The following TENM1 variants were observed in gnomAD, a reference collection of about 807,000 sequenced individuals.
The protein encoded by TENM1 is teneurin transmembrane protein 1.
A neutral mutation model predicts 174.8 loss-of-function variants in TENM1; 35 were observed. The observed-to-expected ratio is 0.20, with a 90% CI of 0.15 to 0.27. TENM1 has a LOEUF of 0.27. Ranked by LOEUF, TENM1 falls within the 10% of genes least tolerant of loss-of-function variation. The probability of loss-of-function intolerance (pLI) is 1.00; values close to 1 mark genes in which losing one functional copy is unlikely to be tolerated. For missense variants in TENM1, 1,633 were observed against 2,130.1 expected, an observed-to-expected ratio of 0.77 and a Z score of 4.59; for synonymous variants, 781 against 798.7, an observed-to-expected ratio of 0.98 and a Z score of 0.37.
intron 3 of TENM1, among the ~76,000 whole-genome samples, chrX:124,794,526 C>T (rs1334114578): frequency 9.0e-6 from 1 of 111,039 alleles, no homozygotes; most frequent in Non-Finnish European, 1.9e-5. Flanking sequence ...TATCTTCTCT[C>T]TATCCACCTC....
chrX:124,876,133 C>T (rs1021900521), intron 3 of TENM1, among the ~76,000 whole-genome samples: 1 of 110,540 alleles, frequency 9.0e-6, no homozygotes, highest in African/African-American at 3.3e-5. Flanking sequence ...GTTTTCTCAT[C>T]GTAAATGGGA....
At chrX:125,077,189 A>G in the TENM1 span, among the ~76,000 whole-genome samples, 1 of 111,538 alleles carries the variant, frequency 9.0e-6, no homozygotes, top group South Asian at 3.7e-4. Context: ...CAGACAAATT[A>G]TTTTTTAAAA....
At chrX:124,712,054 G>A (rs926704965) in intron 4 of TENM1, among the ~76,000 whole-genome samples, 3 of 111,878 alleles carry the variant, frequency 2.7e-5, no homozygotes, top group Non-Finnish European at 3.8e-5. Context: ...ATATTCTTTT[G>A]TATGTATGTA....
At chrX:124,736,992 G>A (rs770862179) in exon 4 of TENM1, 6 of 1,211,203 alleles carry the variant, frequency 5.0e-6, no homozygotes, top group Non-Finnish European at 6.7e-6. Context: ...TCAGGACCCA[G>A]CTGTTATGCA....
rs56962688 is a variant in TENM1, at chrX:124,676,257, AATATATATATATATATAT to A, written c.1016-4440_1016-4423del. Among the ~76,000 whole-genome samples the A allele has an allele frequency of 2.9e-3, 66 of 22,955 alleles. 1 individual carries two copies. Among genetic ancestry groups the A allele is most frequent in the South Asian group, 6.5e-3 (2 of 307 alleles). 19.9% of individuals were successfully genotyped at this position (22,955 alleles called of 115,157 possible). A position where few individuals can be genotyped will look rare whatever the true frequency, so the allele number is the denominator to read the frequency against. On this transcript the variant is annotated intron_variant, in intron 5 of 31. Transcript: ENST00000422452. Reference sequence around the variant, plus strand: ...TTACTGTTCCCTAAGACATATATAAAATATATATATATATATATATATATATATATATATATATATATA... The same window carrying A: ...TTACTGTTCCCTAAGACATATATAAAATATATATATATATATATATATATA...
the TENM1 span, among the ~76,000 whole-genome samples, chrX:125,068,411 G>T: frequency 9.0e-6 from 1 of 111,718 alleles, no homozygotes; most frequent in African/African-American, 3.2e-5. Context: ...AAACGTCATC[G>T]CACTCCAGAA....
chrX:124,733,569 C>G (rs1328938418), intron 4 of TENM1, among the ~76,000 whole-genome samples: 4 of 111,928 alleles, frequency 3.6e-5, no homozygotes, highest in Non-Finnish European at 7.5e-5. Context: ...GTATAAGTTC[C>G]TGGATACCCA....
At chrX:124,473,521 T>C (rs965837194) in intron 22 of TENM1, among the ~76,000 whole-genome samples, 1 of 111,775 alleles carries the variant, frequency 8.9e-6, no homozygotes, top group Non-Finnish European at 1.9e-5. Flanking sequence ...AGTCTTTGCA[T>C]GTAGGCGTCC....
chrX:124,903,220 T>A (rs1419399386), intron 1 of TENM1, among the ~76,000 whole-genome samples: 1 of 111,987 alleles, frequency 8.9e-6, no homozygotes, highest in Non-Finnish European at 1.9e-5. Flanking sequence ...TCTGTCAGTA[T>A]ACGGAAAAGC....
chrX:124,526,104 C>T (rs1020974515), intron 16 of TENM1, among the ~76,000 whole-genome samples: 1 of 111,747 alleles, frequency 8.9e-6, no homozygotes, highest in African/African-American at 3.3e-5. Flanking sequence ...TTTAATGAAA[C>T]ACCAATCTAG....
intron 16 of TENM1, among the ~76,000 whole-genome samples, chrX:124,525,380 T>C (rs1249037225): frequency 1.8e-5 from 2 of 112,086 alleles, no homozygotes; most frequent in Non-Finnish European, 3.8e-5. Context: ...AAGGCAAGTG[T>C]AGTGGGGAGA....
At chrX:124,788,192 G>A (rs1182497673) in intron 3 of TENM1, among the ~76,000 whole-genome samples, 2 of 111,039 alleles carry the variant, frequency 1.8e-5, no homozygotes, top group African/African-American at 6.6e-5. Context: ...GTAGAACACA[G>A]AGCCAAACCA....
At chrX:124,533,456 T>C in intron 15 of TENM1, among the ~76,000 whole-genome samples, 1 of 111,289 alleles carries the variant, frequency 9.0e-6, no homozygotes, top group East Asian at 2.8e-4. Flanking sequence ...ACAGTCCTGC[T>C]TTCTGTGTTT....
intron 13 of TENM1, among the ~76,000 whole-genome samples, chrX:124,562,062 C>G (rs1049672591): frequency 8.9e-6 from 1 of 112,030 alleles, no homozygotes; most frequent in African/African-American, 3.2e-5. Context: ...TTCCCAACCC[C>G]TGGTTCATAT....
chrX:124,541,431 TTC>T (rs1036016704), intron 15 of TENM1, among the ~76,000 whole-genome samples: 2 of 111,733 alleles, frequency 1.8e-5, no homozygotes, highest in Non-Finnish European at 3.8e-5. Context: ...TGTCACCTCC[TTC>T]TCTCTTTCTC....
intron 27 of TENM1, among the ~76,000 whole-genome samples, chrX:124,393,325 G>A (rs370367660): frequency 3.6e-5 from 4 of 110,977 alleles, no homozygotes; most frequent in East Asian, 5.6e-4. Flanking sequence ...TAGTGTCAGT[G>A]TTTGCTAGAT....
At chrX:124,455,799 G>T (rs1445104118) in intron 22 of TENM1, among the ~76,000 whole-genome samples, 1 of 111,436 alleles carries the variant, frequency 9.0e-6, no homozygotes, top group African/African-American at 3.3e-5. Context: ...ATGAAGTGTT[G>T]CTCTTATGAG....
the TENM1 span, among the ~76,000 whole-genome samples, chrX:125,066,075 T>C: frequency 1.8e-5 from 2 of 111,700 alleles, no homozygotes; most frequent in South Asian, 3.8e-4. Flanking sequence ...TAGCCATTTG[T>C]GAAGAAATTG....
At chrX:124,998,477 T>TAA in the TENM1 span, among the ~76,000 whole-genome samples, 787 of 98,800 alleles carry the variant, frequency 8.0e-3, 10 homozygotes, top group African/African-American at 0.027. Context: ...CAAGTATTTC[T>TAA]AAAAAAAAAA....
Sources: allele counts gnomAD v4.1 joint callset (sites outside exome capture counted in the v4.1 genomes callset), GRCh38; gene constraint gnomAD v4.1.1; transcripts MANE v1.5; gene names NCBI Gene and HGNC (gene_info 2026-07-23, HGNC 2026-07-21).